Variants in GOLGB1 observed in about 807,000 individuals in gnomAD.
GOLGB1 encodes the protein golgin subfamily B member 1.
GOLGB1 carries 174 observed loss-of-function variants against 336.9 expected under a neutral mutation model. The observed-to-expected ratio is 0.52, with a 90% confidence interval of 0.46 to 0.59. The LOEUF (loss-of-function observed/expected upper bound fraction) is 0.59. Among genes scored for constraint, GOLGB1 ranks in the 20% least tolerant of loss-of-function variants. The probability of loss-of-function intolerance (pLI) is 0.00; values close to 1 mark genes in which losing one functional copy is unlikely to be tolerated. For synonymous variants in GOLGB1, 1,208 were observed against 1,289.2 expected, an observed-to-expected ratio of 0.94 and a Z score of 1.35; for missense variants, 3,331 against 3,645.3, an observed-to-expected ratio of 0.91 and a Z score of 2.22.
chr3:121,737,606 C>T (rs549771670), intron 1 of GOLGB1, among the ~76,000 whole-genome samples: 21 of 150,818 alleles, frequency 1.4e-4, no homozygotes, highest in Non-Finnish European at 2.9e-4. Context: ...AGCCAAGATT[C>T]GCACCACTGC....
At chr3:121,740,454 T>G (rs1576483469) in intron 1 of GOLGB1, among the ~76,000 whole-genome samples, 1 of 152,214 alleles carries the variant, frequency 6.6e-6, no homozygotes, top group East Asian at 1.9e-4. Flanking sequence ...GAACAGAAAA[T>G]GGACATTAAT....
At chr3:121,739,986 A>G (rs1946739989) in intron 1 of GOLGB1, among the ~76,000 whole-genome samples, 1 of 152,242 alleles carries the variant, frequency 6.6e-6, no homozygotes, top group Admixed American at 6.5e-5. Context: ...ACAATTCCAT[A>G]CTTCTATAAC....
intron 10 of GOLGB1, among the ~76,000 whole-genome samples, chr3:121,706,478 T>G (rs1320818362): frequency 6.6e-6 from 1 of 151,986 alleles, no homozygotes; most frequent in African/African-American, 2.4e-5. Context: ...GGCTCATGCC[T>G]GTAATCCCAG....
At chr3:121,733,937 T>G (rs1946297062) in intron 1 of GOLGB1, among the ~76,000 whole-genome samples, 1 of 152,130 alleles carries the variant, frequency 6.6e-6, no homozygotes, top group Non-Finnish European at 1.5e-5. Flanking sequence ...ATTGTAAAGG[T>G]TTTAGAAATA....
intron 8 of GOLGB1, among the ~76,000 whole-genome samples, 176 bp from the exon 9 acceptor site, chr3:121,717,315 C>T (rs1944861649): frequency 6.6e-6 from 1 of 152,036 alleles, no homozygotes; most frequent in East Asian, 1.9e-4. Flanking sequence ...TGGCTGACTC[C>T]CCAGCAGCAC....
intron 3 of GOLGB1, among the ~76,000 whole-genome samples, 176 bp from the exon 4 acceptor site, chr3:121,729,516 C>T (rs953080722): frequency 2.6e-5 from 4 of 152,096 alleles, no homozygotes; most frequent in South Asian, 2.1e-4. Context: ...CAGGCTCAAG[C>T]GATCCTATCT....
At chr3:121,693,006 G>A (rs965371716) in intron 13 of GOLGB1, among the ~76,000 whole-genome samples, 9 of 152,188 alleles carry the variant, frequency 5.9e-5, no homozygotes, top group African/African-American at 1.9e-4. Flanking sequence ...TACAAAGGAT[G>A]AGAGACATTA....
At chr3:121,679,097 A>T (rs1281456534) in intron 15 of GOLGB1, among the ~76,000 whole-genome samples, 1 of 152,202 alleles carries the variant, frequency 6.6e-6, no homozygotes, top group Non-Finnish European at 1.5e-5. Context: ...TTCTGGTTCT[A>T]GACAAAATAA....
At chr3:121,739,079 T>G (rs1197036289) in intron 1 of GOLGB1, among the ~76,000 whole-genome samples, 3 of 151,982 alleles carry the variant, frequency 2.0e-5, no homozygotes, top group South Asian at 4.2e-4. Flanking sequence ...CTGAGCAACA[T>G]AGCAAGATCC....
rs754796458 is a variant in GOLGB1, at chr3:121,718,457, G to A, written c.816C>T (p.Ser272=). ...CAACGACCTGAGCACGGCCCACCAA[G>A]GATTCTTCGTGTTCCTCAAGCTTCC... ...LQRKLEEHEE[S]LVGRAQVVDL... is the part of the protein sequence containing the mutation. The change falls in exon 8 of 22, where the codon TCC becomes TCT. Residue 272 remains serine, a synonymous_variant. Coordinates refer to ENST00000614479, the MANE Select transcript of GOLGB1 (RefSeq NM_001366282.2). 3.1e-6 allele frequency: 5 copies of A among 1,613,956 alleles called. No homozygotes were observed. The highest frequency in any genetic ancestry group is 4.2e-6 in the Non-Finnish European group (5 of 1,179,864).
In GOLGB1 at chr3:121,695,241, A is replaced by G; in HGVS notation, c.5282T>C (p.Val1761Ala). 1 of 1,612,690 alleles carries G rather than the reference A, an allele frequency of 6.2e-7. No individual in the cohort carries two copies. The highest frequency in any genetic ancestry group is 2.2e-5 in the East Asian group (1 of 44,802). Residue 1761 changes from valine (V) to alanine (A), a missense_variant, in exon 13 of 22, where the codon GTT becomes GCT. Val to Ala is a moderately conservative substitution (Grantham distance 64, BLOSUM62 0). Transcript: ENST00000614479. The part of the protein sequence containing the change: ...MSEKDSLSEE[V>A]QDLKHQIEGN... ...TTCTATCTGATGCTTTAAATCTTGA[A>G]CCTCTTCACTTAGAGAGTCTTTCTC...
intron 20 of GOLGB1, among the ~76,000 whole-genome samples, chr3:121,666,063 G>T (rs1938570710): frequency 1.3e-5 from 2 of 152,204 alleles, no homozygotes; most frequent in African/African-American, 4.8e-5. Context: ...TGTTACTATG[G>T]AGGTCAGTCT....
chr3:121,725,027 T>C (rs1052419021), intron 5 of GOLGB1, among the ~76,000 whole-genome samples: 2 of 152,132 alleles, frequency 1.3e-5, no homozygotes, highest in African/African-American at 4.8e-5. Flanking sequence ...TAGTCTCCAC[T>C]TACATGTCGA....
chr3:121,691,123 G>C lies in GOLGB1; in HGVS notation c.8241C>G (p.Ser2747=). Residue 2747 remains serine (S), a synonymous_variant, in exon 14 of 22, where the codon TCC becomes TCG. Coordinates refer to ENST00000614479, the MANE Select transcript of GOLGB1 (RefSeq NM_001366282.2). The part of the protein sequence containing the change: ...QIQSFGRSMS[S]LQNSRDHANE... The stretch of plus-strand genomic sequence containing the variant: ...TGGCATGATCTCTACTATTTTGCAA[G>C]GAACTCATAGACCTTCCAAAAGACT... 2 of 1,614,004 alleles carry C rather than the reference G, an allele frequency of 1.2e-6. No homozygotes were observed. The highest frequency in any genetic ancestry group is 1.7e-6 in the Non-Finnish European group (2 of 1,179,988).
At position 121,696,969 on chromosome 3, in the gene GOLGB1, A is replaced by G; in HGVS notation, c.3554T>C (p.Leu1185Pro). ...CTTGCGGGAGGTTAAGGCTTCCTGT[A>G]GCTTCTTTTGAAGTTGCTCCTTTTC... ...EKEKEQLQKK[L>P]QEALTSRKAI... The change falls in exon 13 of 22, where the codon CTA becomes CCA. Residue 1185 changes from leucine to proline, a missense_variant. By Grantham distance (98) the Leu-to-Pro change is moderately conservative. Transcript: ENST00000614479. 1 of 1,614,018 alleles carries G rather than the reference A, an allele frequency of 6.2e-7. No individual in the cohort carries two copies. Among genetic ancestry groups the G allele is most frequent in the Non-Finnish European group, 8.5e-7 (1 of 1,179,974 alleles).
In GOLGB1 at chr3:121,676,960, G is replaced by A. The variant is rs1184290120; in HGVS notation, c.9110C>T (p.Thr3037Ile). ...NLVYETELLR[T>I]QLNDSLKEIH... ...TTCCTTTAAGCTGTCATTGAGCTGGGTCCTGAGAAGTTCTGTCTCATAAAC... is the reference window on the plus strand; with the variant it reads ...TTCCTTTAAGCTGTCATTGAGCTGGATCCTGAGAAGTTCTGTCTCATAAAC... Residue 3037 changes from threonine to isoleucine, a missense_variant, in exon 17 of 22, where the codon ACC becomes ATC. By Grantham distance (89) the Thr-to-Ile change is moderately conservative (BLOSUM62 -1). Transcript: ENST00000614479. 1 of 1,613,138 alleles carries A rather than the reference G, an allele frequency of 6.2e-7. No individual in the cohort carries two copies. The highest frequency in any genetic ancestry group is 8.5e-7 in the Non-Finnish European group (1 of 1,179,124).
chr3:121,708,814 G>C (rs983941920), intron 10 of GOLGB1, among the ~76,000 whole-genome samples: 20 of 152,000 alleles, frequency 1.3e-4, no homozygotes, highest in African/African-American at 4.6e-4. Context: ...CAGGAAAAAA[G>C]AAGAAGGGAA....
At chr3:121,690,422 T>C (rs1468792888) in intron 14 of GOLGB1, among the ~76,000 whole-genome samples, 1 of 152,226 alleles carries the variant, frequency 6.6e-6, no homozygotes, top group Non-Finnish European at 1.5e-5. Context: ...AGTCCTTTTA[T>C]AACCAATGGA....
At chr3:121,714,836 T>G in intron 10 of GOLGB1, 25 bp downstream of exon 10, 1 of 1,298,422 alleles carries the variant, frequency 7.7e-7, no homozygotes, top group Non-Finnish European at 1.1e-6. Context: ...CAGTTAATAT[T>G]CATAAGAAGT....
Sources: allele counts gnomAD v4.1 joint callset (sites outside exome capture counted in the v4.1 genomes callset), GRCh38; gene constraint gnomAD v4.1.1; transcripts MANE v1.5; gene names NCBI Gene and HGNC (gene_info 2026-07-23, HGNC 2026-07-21).